The following STRN3 variants were observed in gnomAD, a reference collection of about 807,000 sequenced individuals.
STRN3 encodes striatin-3.
A neutral mutation model predicts 95.6 loss-of-function variants in STRN3; 29 were observed. That is an observed-to-expected ratio of 0.30 (90% confidence interval 0.23 to 0.41). The LOEUF (loss-of-function observed/expected upper bound fraction) is 0.41, where lower values mean the gene tolerates loss of function less well. Among genes scored for constraint, STRN3 ranks in the 10% least tolerant of loss-of-function variants. STRN3 has a pLI of 1.00. For synonymous variants in STRN3, 331 were observed against 357.6 expected (o/e 0.93, Z 0.84); for missense variants, 890 against 972.1 (o/e 0.92, Z 1.12).
intron 1 of STRN3, among the ~76,000 whole-genome samples, chr14:31,004,830 C>T (rs1376504550): frequency 6.6e-6 from 1 of 151,630 alleles, no homozygotes. Flanking sequence ...ATACTGTACA[C>T]CAAAAATTAT....
chr14:30,929,979 A>AAAAAAAAAAC (rs1566441550), intron 7 of STRN3, among the ~76,000 whole-genome samples: 1 of 147,384 alleles, frequency 6.8e-6, no homozygotes, highest in African/African-American at 2.5e-5. Context: ...AAAAAAAAAA[A>AAAAAAAAAAC]CTCAAATTCC....
rs1878761423 is a variant in STRN3 at position 30,935,244 on chromosome 14, T to C, written c.907A>G (p.Lys303Glu). 6.2e-7 allele frequency: 1 copy of C among 1,613,984 alleles called. No homozygotes were observed. Among genetic ancestry groups the C allele is most frequent in the Non-Finnish European group, 8.5e-7 (1 of 1,179,994 alleles). The part of the protein sequence containing the change: ...TDDPDTEEAL[K>E]EFDFLVTAED... ...GCAGTCACTAAAAAATCAAATTCTT[T>C]CAGTGCTTCCTCAGTATCAGGATCG... is the stretch of plus-strand genomic sequence containing the variant. Residue 303 changes from lysine (K) to glutamate (E), a missense_variant, in exon 7 of 18, where the codon AAA becomes GAA. Around this residue, in one of 3 missense-constraint regions of STRN3, gnomAD observed 526 missense variants for 526.3 expected, o/e 1.00. Transcript: ENST00000357479.
At chr14:30,986,038 G>A (rs1334175168) in intron 1 of STRN3, among the ~76,000 whole-genome samples, 1 of 151,890 alleles carries the variant, frequency 6.6e-6, no homozygotes, top group Non-Finnish European at 1.5e-5. Context: ...GGAAACCTAG[G>A]GAAGGAGAGA....
At chr14:30,983,696 G>C (rs1881522498) in intron 1 of STRN3, among the ~76,000 whole-genome samples, 1 of 152,112 alleles carries the variant, frequency 6.6e-6, no homozygotes, top group South Asian at 2.1e-4. Context: ...ATATTTAAGA[G>C]AGTTAAGAAA....
At chr14:30,913,434 C>A in intron 10 of STRN3, 90 bp downstream of exon 10, 1 of 1,314,574 alleles carries the variant, frequency 7.6e-7, no homozygotes, top group Non-Finnish European at 1.0e-6. Flanking sequence ...TTCCATGCAC[C>A]TTGATATTAA....
At chr14:30,995,136 C>A (rs549155037) in intron 1 of STRN3, among the ~76,000 whole-genome samples, 4 of 152,330 alleles carry the variant, frequency 2.6e-5, no homozygotes, top group African/African-American at 9.6e-5. Flanking sequence ...TACCTGATAA[C>A]CCACAGTCAT....
At position 30,913,838 on chromosome 14, in the gene STRN3, G is replaced by A. The variant is rs575971846; in HGVS notation, c.1241-181C>T. Among the ~76,000 whole-genome samples, 21 of 152,194 alleles carry A rather than the reference G, an allele frequency of 1.4e-4. No homozygotes were observed. The South Asian group carries it at 2.9e-3, about 21-fold the overall frequency. ...TGTTAAACAAATGTGTTGGAACTGTGGTGTATTAACTGTCCACAAATAAAA... is the reference window on the plus strand; with the variant it reads ...TGTTAAACAAATGTGTTGGAACTGTAGTGTATTAACTGTCCACAAATAAAA... On this transcript the variant is annotated intron_variant, in intron 9 of 17. Coordinates refer to ENST00000357479, the MANE Select transcript of STRN3 (RefSeq NM_001083893.2).
chr14:30,912,331 C>CT (rs935035768), intron 10 of STRN3, 149 bp from the exon 11 acceptor site: 46 of 627,892 alleles, frequency 7.3e-5, no homozygotes, highest in Non-Finnish European at 1.0e-4. Context: ...ACCTTTAAAA[C>CT]TTTCTAAAAA....
At position 30,951,123 on chromosome 14, in the gene STRN3, T is replaced by C. The variant is rs139847294; in HGVS notation, c.461-179A>G. Reference sequence around the variant, plus strand: ...CTCATTTTAAATGTGTTTGTCCTAATAACCCAATGACTTAAGTACTATGTC... The same window carrying C: ...CTCATTTTAAATGTGTTTGTCCTAACAACCCAATGACTTAAGTACTATGTC... On this transcript the variant is annotated intron_variant, in intron 3 of 17. Transcript: ENST00000357479. 5.5e-3 allele frequency among the ~76,000 whole-genome samples: 832 copies of C among 152,324 alleles called. 9 individuals are homozygous for C. The highest frequency in any genetic ancestry group is 0.019 in the African/African-American group (783 of 41,572).
chr14:30,912,619 G>C (rs1322447694), intron 10 of STRN3, among the ~76,000 whole-genome samples: 1 of 152,102 alleles, frequency 6.6e-6, no homozygotes, highest in African/African-American at 2.4e-5. Flanking sequence ...GCAAGTTAAG[G>C]TACTTTCTGA....
At chr14:30,924,682 A>G (rs2139033746) in intron 8 of STRN3, among the ~76,000 whole-genome samples, 1 of 152,162 alleles carries the variant, frequency 6.6e-6, no homozygotes, top group Middle Eastern at 3.4e-3. Context: ...ACATACAGAG[A>G]TCCTGTCTAT....
At chr14:30,977,621 T>C (rs996624365) in intron 1 of STRN3, among the ~76,000 whole-genome samples, 2 of 140,248 alleles carry the variant, frequency 1.4e-5, no homozygotes, top group African/African-American at 5.3e-5. Flanking sequence ...CCATCTCTAC[T>C]AAAAATACAA....
intron 5 of STRN3, among the ~76,000 whole-genome samples, chr14:30,943,138 T>A (rs986009963): frequency 1.3e-5 from 2 of 152,242 alleles, no homozygotes; most frequent in Non-Finnish European, 2.9e-5. Flanking sequence ...ATAAACATCA[T>A]TTTGCTGAAA....
At chr14:31,012,069 G>A (rs1379180160) in intron 1 of STRN3, among the ~76,000 whole-genome samples, 4 of 152,168 alleles carry the variant, frequency 2.6e-5, no homozygotes, top group African/African-American at 9.7e-5. Context: ...GCGACGGAGC[G>A]AGACTCTGTC....
intron 1 of STRN3, among the ~76,000 whole-genome samples, chr14:30,981,420 G>A (rs1453538378): frequency 6.6e-6 from 1 of 152,004 alleles, no homozygotes; most frequent in Non-Finnish European, 1.5e-5. Context: ...AAATATTTGG[G>A]GCTAGAGGCA....
chr14:30,992,506 G>C lies in STRN3; in HGVS notation c.282+33398C>G, dbSNP rs983414456. On this transcript the variant is annotated intron_variant, in intron 1 of 17. Coordinates refer to ENST00000357479, the MANE Select transcript of STRN3 (RefSeq NM_001083893.2). ...AGGATCAACTGATCCACCAGCCTCA[G>C]CCTCCAAAAGTTCTGGGATTACAAG... Among the ~76,000 whole-genome samples, 6 of 141,762 alleles carry C rather than the reference G, an allele frequency of 4.2e-5. No individual in the cohort carries two copies. In the East Asian group the frequency reaches 1.1e-3, roughly 26 times the overall value. The allele number at this position is 141,762 out of a possible 152,430, so 93.0% of individuals were successfully genotyped here.
chr14:31,007,258 G>C (rs1014371434), intron 1 of STRN3, among the ~76,000 whole-genome samples: 8 of 152,170 alleles, frequency 5.3e-5, no homozygotes, highest in Admixed American at 5.2e-4. Flanking sequence ...GTCTACATCA[G>C]AGCAAGAGAA....
intron 11 of STRN3, 44 bp from the exon 12 acceptor site, chr14:30,911,868 A>G (rs749082777): frequency 5.7e-6 from 9 of 1,581,500 alleles, no homozygotes; most frequent in South Asian, 3.5e-5. Context: ...AGGCAATTAA[A>G]TAACTATGAA....
chr14:30,925,332 A>C (rs17447314), intron 8 of STRN3, among the ~76,000 whole-genome samples: 6,073 of 152,254 alleles, frequency 0.04, 171 homozygotes, highest in Non-Finnish European at 0.062. Flanking sequence ...TTTAAAAGTC[A>C]AATCTTGAAT....
Sources: gnomAD v4.1 joint callset for allele counts (sites outside exome capture counted in the v4.1 genomes callset) on GRCh38, gnomAD v4.1.1 for gene constraint, gnomAD v4.1.1 regional missense constraint, MANE v1.5 for transcripts, NCBI Gene and HGNC (gene_info 2026-07-23, HGNC 2026-07-21) for gene names.